ST6GAL1: variants seen among roughly 807,000 people sequenced by gnomAD.
ST6GAL1 encodes the protein beta-galactoside alpha-2,6-sialyltransferase 1.
Under a neutral mutation model 38.0 loss-of-function variants are expected in ST6GAL1, and 20 were observed. That is an observed-to-expected ratio of 0.53 (90% confidence interval 0.37 to 0.77). The LOEUF is 0.77. ST6GAL1 is among the 30% of genes least tolerant of loss of function. The pLI, the probability that ST6GAL1 is intolerant of heterozygous loss-of-function variation, is 0.00. For missense variants in ST6GAL1, 432 were observed against 496.4 expected (o/e 0.87, Z 1.23); for synonymous variants, 196 against 188.2 (o/e 1.04, Z -0.34).
intron 5 of ST6GAL1, among the ~76,000 whole-genome samples, chr3:187,066,047 C>G (rs1579378293): frequency 6.6e-6 from 1 of 151,992 alleles, no homozygotes; most frequent in African/African-American, 2.4e-5. Context: ...TCTCAAGATA[C>G]TGAAAGACAG....
rs149251823 is a variant in ST6GAL1 at position 186,935,416 on chromosome 3, G to C, written c.-325+4582G>C. Among the ~76,000 whole-genome samples the C allele has an allele frequency of 9.4e-3, 1,428 of 152,156 alleles. 18 individuals carry two copies. The highest frequency in any genetic ancestry group is 0.033 in the African/African-American group (1,350 of 41,506). On this transcript the variant is annotated intron_variant, in intron 1 of 7. Transcript: ENST00000169298. ...CATTTTCTTTATCTAGGCTACTGTT[G>C]ATGGGTATTTAGATCTTTGCTGTTG...
intron 2 of ST6GAL1, among the ~76,000 whole-genome samples, chr3:187,023,582 G>T (rs187156046): frequency 1.3e-5 from 2 of 152,286 alleles, no homozygotes; most frequent in Admixed American, 1.3e-4. Context: ...CACGTCCTTT[G>T]TAGGGACATG....
intron 2 of ST6GAL1, among the ~76,000 whole-genome samples, chr3:187,020,165 C>T (rs1334299437): frequency 2.0e-5 from 3 of 152,116 alleles, no homozygotes; most frequent in South Asian, 4.2e-4. Flanking sequence ...GGCGTGGTGG[C>T]GGGTGCCTGT....
At chr3:187,038,212 T>C (rs1364739376) in intron 2 of ST6GAL1, among the ~76,000 whole-genome samples, 50 of 148,622 alleles carry the variant, frequency 3.4e-4, no homozygotes, top group African/African-American at 1.2e-3. Flanking sequence ...TTTTTTTTTT[T>C]TTTTTTCTTT....
chr3:186,938,324 G>T (rs10513807), intron 1 of ST6GAL1, among the ~76,000 whole-genome samples: 12 of 151,966 alleles, frequency 7.9e-5, no homozygotes, highest in South Asian at 4.1e-4. Context: ...ACTATGTATC[G>T]CCTATGTAGA....
At chr3:186,951,258 T>C (rs1327811474) in intron 1 of ST6GAL1, among the ~76,000 whole-genome samples, 2 of 152,168 alleles carry the variant, frequency 1.3e-5, no homozygotes, top group African/African-American at 2.4e-5. Flanking sequence ...GGTTTCACCA[T>C]GTTGGTCAGG....
intron 1 of ST6GAL1, among the ~76,000 whole-genome samples, chr3:186,931,866 A>G (rs1004954663): frequency 2.0e-5 from 3 of 152,202 alleles, no homozygotes; most frequent in Non-Finnish European, 4.4e-5. Flanking sequence ...AGTTTATTTG[A>G]AAGAAATTCC....
chr3:187,014,742 G>A (rs908354019), intron 2 of ST6GAL1, among the ~76,000 whole-genome samples: 3 of 152,210 alleles, frequency 2.0e-5, no homozygotes, highest in Non-Finnish European at 4.4e-5. Context: ...TGTTAACACA[G>A]TGTGTCAAAA....
At chr3:187,041,964 G>A (rs565480107) in intron 3 of ST6GAL1, 2 of 152,290 alleles carry the variant, frequency 1.3e-5, no homozygotes, top group African/African-American at 4.8e-5. Flanking sequence ...CCTCTATCAT[G>A]AGGTGAGTCA....
chr3:186,969,960 C>T (rs1715290461), intron 2 of ST6GAL1, among the ~76,000 whole-genome samples: 1 of 152,042 alleles, frequency 6.6e-6, no homozygotes, highest in South Asian at 2.1e-4. Flanking sequence ...GGCTGGGTGC[C>T]TTTTCTTTTT....
chr3:187,028,960 C>A (rs1717640824), intron 2 of ST6GAL1, among the ~76,000 whole-genome samples: 2 of 151,946 alleles, frequency 1.3e-5, no homozygotes, highest in African/African-American at 2.4e-5. Flanking sequence ...GTGGTGCACG[C>A]CTGTGATCCC....
chr3:186,973,988 A>C (rs1715438339), intron 2 of ST6GAL1, among the ~76,000 whole-genome samples: 1 of 152,208 alleles, frequency 6.6e-6, no homozygotes, highest in Non-Finnish European at 1.5e-5. Context: ...TAACACAATC[A>C]AATGTGAAAC....
chr3:187,018,446 C>T (rs1461453781), intron 2 of ST6GAL1, among the ~76,000 whole-genome samples: 1 of 152,024 alleles, frequency 6.6e-6, no homozygotes, highest in African/African-American at 2.4e-5. Context: ...TATGTGAGGT[C>T]CCACATAGTC....
chr3:186,984,829 C>CCTTCCTCCCTTCCTTCCTTCCT (rs1715846753), intron 2 of ST6GAL1, among the ~76,000 whole-genome samples: 1 of 45,618 alleles, frequency 2.2e-5, no homozygotes, highest in African/African-American at 8.3e-5. Context: ...CCTTCCTTCC[C>CCTTCCTCCCTTCCTTCCTTCCT]TCCCTCCCTC....
rs113037122 is a variant in ST6GAL1, at chr3:187,042,218, A to AT, written c.-50-427dup. On this transcript the variant is annotated intron_variant, in intron 3 of 7. Coordinates refer to ENST00000169298, the MANE Select transcript of ST6GAL1 (RefSeq NM_173216.2). ...CAGTCAGCCTGCTTTTTTTTATTCT[A>AT]TTTTTTTTTCAAGCATGCATGGCTT... Among the ~76,000 whole-genome samples the AT allele has an allele frequency of 3.3e-3, 492 of 149,024 alleles. 4 individuals carry two copies. Among genetic ancestry groups the AT allele is most frequent in the South Asian group, 0.029 (136 of 4,692 alleles).
intron 2 of ST6GAL1, among the ~76,000 whole-genome samples, chr3:186,974,186 T>C (rs1488754087): frequency 6.6e-6 from 1 of 152,074 alleles, no homozygotes; most frequent in Non-Finnish European, 1.5e-5. Context: ...TTATGCTATA[T>C]CCTGACTATA....
chr3:187,023,472 G>C (rs2108566915), intron 2 of ST6GAL1, among the ~76,000 whole-genome samples: 1 of 152,282 alleles, frequency 6.6e-6, no homozygotes, highest in Non-Finnish European at 1.5e-5. Context: ...TGAACCTATA[G>C]CTTGGAACCA....
intron 2 of ST6GAL1, among the ~76,000 whole-genome samples, chr3:187,018,409 G>T (rs1717188858): frequency 6.6e-6 from 1 of 152,112 alleles, no homozygotes; most frequent in African/African-American, 2.4e-5. Context: ...GTTTATTAAG[G>T]AGTATTGACT....
At chr3:186,974,183 A>G (rs772861420) in intron 2 of ST6GAL1, among the ~76,000 whole-genome samples, 1 of 152,090 alleles carries the variant, frequency 6.6e-6, no homozygotes. Flanking sequence ...ACTTTATGCT[A>G]TATCCTGACT....
Sources: gnomAD v4.1 joint callset for allele counts (sites outside exome capture counted in the v4.1 genomes callset) on GRCh38, gnomAD v4.1.1 for gene constraint, MANE v1.5 for transcripts, NCBI Gene and HGNC (gene_info 2026-07-23, HGNC 2026-07-21) for gene names.